Variants in OTOGL observed in about 807,000 individuals in gnomAD.
OTOGL encodes the protein otogelin-like protein.
Under a neutral mutation model 318.5 loss-of-function variants are expected in OTOGL, and 285 were observed. The ratio of observed to expected loss-of-function variants is 0.89; its 90% CI spans 0.81 to 0.99. OTOGL has a LOEUF of 0.99. Ranked by LOEUF, OTOGL falls within the 50% of genes least tolerant of loss-of-function variation. The pLI is 0.00. For synonymous variants in OTOGL, 987 were observed against 936.5 expected, an observed-to-expected ratio of 1.05 and a Z score of -0.99; for missense variants, 2,899 against 2,845.6, an observed-to-expected ratio of 1.02 and a Z score of -0.43.
chr12:80,328,138 G>A (rs961846155), intron 35 of OTOGL, among the ~76,000 whole-genome samples: 1 of 151,604 alleles, frequency 6.6e-6, no homozygotes, highest in African/African-American at 2.4e-5. Flanking sequence ...GCAACATGAC[G>A]AAACCTCATC....
intron 9 of OTOGL, among the ~76,000 whole-genome samples, chr12:80,237,539 C>T (rs1879976817): frequency 6.6e-6 from 1 of 151,782 alleles, no homozygotes; most frequent in South Asian, 2.1e-4. Context: ...AGCAAGTGTT[C>T]TGAGGTGGGA....
intron 7 of OTOGL, among the ~76,000 whole-genome samples, chr12:80,227,722 C>T (rs1475377337): frequency 6.6e-6 from 1 of 152,168 alleles, no homozygotes; most frequent in East Asian, 1.9e-4. Flanking sequence ...TAGGCCTACT[C>T]TTCCCTCAGA....
chr12:80,356,056 A>G (rs1889880728), intron 47 of OTOGL, 108 bp downstream of exon 47: 3 of 1,242,384 alleles, frequency 2.4e-6, no homozygotes, highest in Non-Finnish European at 3.4e-6. Flanking sequence ...AAAGGGCCAT[A>G]AATGTCATTT....
intron 1 of OTOGL, among the ~76,000 whole-genome samples, chr12:80,201,417 C>T (rs962823536): frequency 4.6e-5 from 7 of 152,038 alleles, no homozygotes; most frequent in East Asian, 3.9e-4. Context: ...AGCAAGAGAG[C>T]GAGGTGGGGA....
chr12:80,262,159 A>G, intron 19 of OTOGL, 66 bp downstream of exon 19: 2 of 1,386,526 alleles, frequency 1.4e-6, no homozygotes, highest in Non-Finnish European at 1.9e-6. Flanking sequence ...TATTACTATA[A>G]TTTTATAAAA....
chr12:80,344,152 A>C (rs140685972), intron 44 of OTOGL, among the ~76,000 whole-genome samples: 1 of 152,358 alleles, frequency 6.6e-6, no homozygotes, highest in African/African-American at 2.4e-5. Context: ...ACATTTTTAA[A>C]ATGCATGCAC....
chr12:80,197,589 A>G (rs1300972554), intron 1 of OTOGL, among the ~76,000 whole-genome samples: 4 of 152,336 alleles, frequency 2.6e-5, no homozygotes, highest in Admixed American at 6.5e-5. Context: ...ATCCCTGACC[A>G]TGCTATTCAG....
chr12:80,352,402 T>A lies in OTOGL; in HGVS notation c.5373T>A (p.Asp1791Glu), dbSNP rs376180190. 6.6e-5 allele frequency: 106 copies of A among 1,611,994 alleles called. No homozygotes were observed. Among genetic ancestry groups the A allele is most frequent in the Non-Finnish European group, 8.5e-6 (10 of 1,178,834 alleles). ...ATGTGGCTCTGTGCAACAAGTTTGA[T>A]ATCTGTATTCAGTGGAGAACACCTG... ...SAYVALCNKF[D>E]ICIQWRTPDY... The change falls in exon 45 of 59, where the codon GAT becomes GAA. Residue 1791 changes from aspartate (D) to glutamate (E), a missense_variant. Asp to Glu is a conservative substitution (Grantham distance 45). Coordinates refer to ENST00000547103, the MANE Select transcript of OTOGL (RefSeq NM_001378609.3).
chr12:80,208,216 A>G (rs761343306), intron 1 of OTOGL: 3 of 517,994 alleles, frequency 5.8e-6, no homozygotes, highest in Non-Finnish European at 1.2e-5. Context: ...GAAAGGAATT[A>G]TGGTTATCTA....
At chr12:80,258,355 A>G (rs561394592) in intron 18 of OTOGL, among the ~76,000 whole-genome samples, 1 of 152,210 alleles carries the variant, frequency 6.6e-6, no homozygotes, top group African/African-American at 2.4e-5. Context: ...TTTGAAACAT[A>G]GCTGCCTAAA....
At chr12:80,262,314 A>G (rs993412018) in intron 19 of OTOGL, among the ~76,000 whole-genome samples, 1 of 151,076 alleles carries the variant, frequency 6.6e-6, no homozygotes, top group South Asian at 2.1e-4. Context: ...AGTGGCTTTT[A>G]TTTCCTATTT....
chr12:80,153,596 G>T (rs893263133), intron 1 of OTOGL, among the ~76,000 whole-genome samples: 2 of 151,964 alleles, frequency 1.3e-5, no homozygotes, highest in Non-Finnish European at 2.9e-5. Flanking sequence ...TTCATTCTTG[G>T]TGTTATACAC....
intron 17 of OTOGL, among the ~76,000 whole-genome samples, chr12:80,256,876 T>C (rs187228914): frequency 2.6e-5 from 4 of 152,104 alleles, no homozygotes; most frequent in Admixed American, 1.3e-4. Context: ...GGATGAGGAA[T>C]TGCTGGGTTG....
chr12:80,176,252 A>G (rs1874518532), intron 1 of OTOGL, among the ~76,000 whole-genome samples: 1 of 152,226 alleles, frequency 6.6e-6, no homozygotes, highest in African/African-American at 2.4e-5. Context: ...TTATTGAGAT[A>G]TAATTTACAT....
intron 52 of OTOGL, among the ~76,000 whole-genome samples, chr12:80,364,967 A>G (rs1453488522): frequency 6.6e-6 from 1 of 152,102 alleles, no homozygotes; most frequent in Non-Finnish European, 1.5e-5. Context: ...CATGTATATT[A>G]ACCCATTATA....
At chr12:80,121,721 A>G (rs910348711) in intron 1 of OTOGL, among the ~76,000 whole-genome samples, 2 of 152,244 alleles carry the variant, frequency 1.3e-5, no homozygotes, top group African/African-American at 4.8e-5. Flanking sequence ...TATTTAGGCT[A>G]ACACAGCTTA....
intron 44 of OTOGL, 89 bp downstream of exon 44, chr12:80,342,251 T>C (rs1433917497): frequency 3.8e-6 from 4 of 1,047,416 alleles, no homozygotes; most frequent in Non-Finnish European, 5.5e-6. Context: ...TATAATGTTC[T>C]TCTACTGAGA....
At chr12:80,318,485 GAC>G (rs1887111391) in intron 32 of OTOGL, 59 bp from the exon 33 acceptor site, 2 of 1,109,754 alleles carry the variant, frequency 1.8e-6, no homozygotes, top group East Asian at 6.5e-5. Context: ...TCTTTGAAAT[GAC>G]AGATTGAAAT....
chr12:80,326,373 G>T (rs556900552), intron 35 of OTOGL, among the ~76,000 whole-genome samples: 1 of 152,040 alleles, frequency 6.6e-6, no homozygotes, highest in South Asian at 2.1e-4. Context: ...TGCATCTGAG[G>T]CATTAAACTT....
Sources: allele counts gnomAD v4.1 joint callset (sites outside exome capture counted in the v4.1 genomes callset), GRCh38; gene constraint gnomAD v4.1.1; transcripts MANE v1.5; gene names NCBI Gene and HGNC (gene_info 2026-07-23, HGNC 2026-07-21).